The following TENM2 variants were observed in gnomAD, a reference collection of about 807,000 sequenced individuals.
The protein encoded by TENM2 is teneurin transmembrane protein 2, also known as teneurin-2.
TENM2 carries 52 observed loss-of-function variants against 245.2 expected under a neutral mutation model. The ratio of observed to expected loss-of-function variants is 0.21; its 90% confidence interval spans 0.17 to 0.27. The LOEUF (loss-of-function observed/expected upper bound fraction) is 0.27. Ranked by LOEUF, TENM2 falls within the 10% of genes least tolerant of loss-of-function variation. TENM2 has a pLI of 1.00. For missense variants in TENM2, 3,046 were observed against 3,666.8 expected (o/e 0.83, Z 4.37); for synonymous variants, 1,363 against 1,438.9 (o/e 0.95, Z 1.19).
At chr5:167,086,356 C>G in the TENM2 span, among the ~76,000 whole-genome samples, 1 of 152,178 alleles carries the variant, frequency 6.6e-6, no homozygotes, top group African/African-American at 2.4e-5. Context: ...CGCTGGGATT[C>G]TGGGACATGC....
intron 4 of TENM2, among the ~76,000 whole-genome samples, chr5:167,960,573 A>G (rs1212242446): frequency 1.3e-5 from 2 of 150,326 alleles, no homozygotes; most frequent in Admixed American, 6.6e-5. Context: ...ATCCCAGGTC[A>G]ACTTCAGACT....
At chr5:167,856,756 A>C (rs746347164) in intron 2 of TENM2, among the ~76,000 whole-genome samples, 2 of 152,172 alleles carry the variant, frequency 1.3e-5, no homozygotes, top group Non-Finnish European at 2.9e-5. Context: ...ACTGAATTTA[A>C]AGGGCCTACA....
intron 7 of TENM2, among the ~76,000 whole-genome samples, chr5:168,067,070 C>T (rs1454759623): frequency 6.6e-6 from 1 of 152,184 alleles, no homozygotes; most frequent in African/African-American, 2.4e-5. Context: ...CCGGAGACAA[C>T]AAGATGCAGT....
At chr5:167,760,921 G>T (rs1211234582) in intron 2 of TENM2, among the ~76,000 whole-genome samples, 3 of 152,098 alleles carry the variant, frequency 2.0e-5, no homozygotes, top group Admixed American at 6.6e-5. Context: ...AAAGTGCTGG[G>T]ATTACAGGGG....
chr5:167,190,773 C>T, the TENM2 span, among the ~76,000 whole-genome samples: 1 of 152,052 alleles, frequency 6.6e-6, no homozygotes, highest in Non-Finnish European at 1.5e-5. Flanking sequence ...GCCCATTTCA[C>T]CAATTCATGC....
the TENM2 span, among the ~76,000 whole-genome samples, chr5:167,091,387 G>C: frequency 1.3e-5 from 2 of 152,132 alleles, no homozygotes; most frequent in Non-Finnish European, 2.9e-5. Context: ...TTTTATTCTA[G>C]CATGTTGTGA....
chr5:167,404,007 A>G (rs1369346829), intron 2 of TENM2, among the ~76,000 whole-genome samples: 1 of 152,050 alleles, frequency 6.6e-6, no homozygotes, highest in African/African-American at 2.4e-5. Flanking sequence ...CATGTGGAAC[A>G]TGATAGGCTC....
In TENM2 at chr5:167,919,446, A is replaced by G. The variant is rs971212758; in HGVS notation, c.713-33142A>G. On this transcript the variant is annotated intron_variant, in intron 3 of 28. Transcript: ENST00000518659. Reference sequence around the variant, plus strand: ...TAGTGCCTATGAATAAATAAATCTGATTTACATAGAGGACTATTGTGGTAT... The same window carrying G: ...TAGTGCCTATGAATAAATAAATCTGGTTTACATAGAGGACTATTGTGGTAT... Among the ~76,000 whole-genome samples, 77 of 152,218 alleles carry G rather than the reference A, an allele frequency of 5.1e-4. 1 individual carries two copies. The highest frequency in any genetic ancestry group is 4.1e-4 in the South Asian group (2 of 4,832).
intron 2 of TENM2, among the ~76,000 whole-genome samples, chr5:167,850,909 G>C (rs940307225): frequency 2.6e-5 from 4 of 152,176 alleles, no homozygotes; most frequent in Admixed American, 6.5e-5. Flanking sequence ...CATTAAAAAT[G>C]CTAAATCATT....
At chr5:167,133,538 G>C in the TENM2 span, among the ~76,000 whole-genome samples, 7 of 150,090 alleles carry the variant, frequency 4.7e-5, no homozygotes, top group Non-Finnish European at 1.0e-4. Context: ...GTGTGTTGCT[G>C]ACAGGTATTA....
chr5:167,858,946 G>A (rs1455149196), intron 2 of TENM2, among the ~76,000 whole-genome samples: 2 of 140,548 alleles, frequency 1.4e-5, no homozygotes, highest in African/African-American at 2.6e-5. Context: ...TCTGGGAAGT[G>A]AGGAGTGTCT....
exon 19 of TENM2, chr5:168,204,464 A>G: frequency 6.2e-7 from 1 of 1,613,948 alleles, no homozygotes. Flanking sequence ...CCGCCGGAGC[A>G]TTTCCTGTCC....
At chr5:168,169,594 G>A (rs1758618433) in intron 13 of TENM2, among the ~76,000 whole-genome samples, 1 of 152,202 alleles carries the variant, frequency 6.6e-6, no homozygotes, top group Non-Finnish European at 1.5e-5. Flanking sequence ...ATTCAGGAAT[G>A]CTCTTCCGGC....
At chr5:167,090,241 TA>T in the TENM2 span, among the ~76,000 whole-genome samples, 27,203 of 147,594 alleles carry the variant, frequency 0.18, 3,963 homozygotes, top group African/African-American at 0.4. Context: ...ACAGAATTCT[TA>T]AAAAAAAAAG....
intron 3 of TENM2, among the ~76,000 whole-genome samples, chr5:167,895,011 G>GGGGAAGGAAGGAAGGA (rs1775102781): frequency 8.2e-6 from 1 of 121,472 alleles, no homozygotes; most frequent in East Asian, 2.9e-4. Context: ...GGAAGGAAGG[G>GGGGAAGGAAGGAAGGA]AGGGAGGGAG....
intron 10 of TENM2, among the ~76,000 whole-genome samples, chr5:168,122,173 T>TTTTTG (rs59536770): frequency 0.3 from 45,502 of 151,670 alleles, 7,209 homozygotes; most frequent in East Asian, 0.6. Flanking sequence ...ACCTTTGTCT[T>TTTTTG]TTTTGTTTTG....
At chr5:167,723,787 G>A (rs1484350003) in intron 2 of TENM2, among the ~76,000 whole-genome samples, 1 of 152,158 alleles carries the variant, frequency 6.6e-6, no homozygotes, top group Non-Finnish European at 1.5e-5. Context: ...CATGTAGTAG[G>A]TGCTCAAGTA....
intron 2 of TENM2, among the ~76,000 whole-genome samples, chr5:167,669,232 T>G (rs1479474597): frequency 6.6e-6 from 1 of 152,208 alleles, no homozygotes; most frequent in Non-Finnish European, 1.5e-5. Flanking sequence ...TGTGTTCAGA[T>G]GTGCAAGGAT....
At chr5:167,976,061 C>A (rs1200832044) in intron 4 of TENM2, among the ~76,000 whole-genome samples, 1 of 152,164 alleles carries the variant, frequency 6.6e-6, no homozygotes, top group Non-Finnish European at 1.5e-5. Flanking sequence ...CTTCCTCGGC[C>A]TTGAAGAAAT....
Sources: gnomAD v4.1 joint callset for allele counts (sites outside exome capture counted in the v4.1 genomes callset) on GRCh38, gnomAD v4.1.1 for gene constraint, MANE v1.5 for transcripts, NCBI Gene and HGNC (gene_info 2026-07-23, HGNC 2026-07-21) for gene names.